The following NIBAN1 variants were observed in gnomAD, a reference collection of about 807,000 sequenced individuals.
NIBAN1 encodes niban apoptosis regulator 1.
Under a neutral mutation model 75.1 loss-of-function variants are expected in NIBAN1, and 81 were observed. That is an observed-to-expected ratio of 1.08 (90% confidence interval 0.90 to 1.30). The LOEUF is 1.30. NIBAN1 is among the 50% of genes most tolerant of loss of function. The pLI, the probability that NIBAN1 is intolerant of heterozygous loss-of-function variation, is 0.00. For synonymous variants in NIBAN1, 436 were observed against 424.8 expected (o/e 1.03, Z -0.32); for missense variants, 1,133 against 1,128.1 (o/e 1.00, Z -0.06).
intron 5 of NIBAN1, among the ~76,000 whole-genome samples, chr1:184,835,732 G>A (rs963688333): frequency 2.0e-5 from 3 of 152,240 alleles, no homozygotes; most frequent in Admixed American, 6.5e-5. Context: ...ATCAGCTTAA[G>A]GAGATTTGGG....
intron 5 of NIBAN1, among the ~76,000 whole-genome samples, chr1:184,842,486 G>T (rs1655312969): frequency 6.6e-6 from 1 of 152,210 alleles, no homozygotes. Flanking sequence ...GGGCATGGTG[G>T]CTCACGCCTG....
intron 1 of NIBAN1, among the ~76,000 whole-genome samples, chr1:184,951,580 G>A (rs1022400504): frequency 1.1e-4 from 16 of 151,932 alleles, no homozygotes; most frequent in African/African-American, 3.4e-4. Flanking sequence ...CCTCCAAAAT[G>A]TATTTATAAC....
At chr1:184,973,206 C>T (rs745623431) in intron 1 of NIBAN1, among the ~76,000 whole-genome samples, 62 of 152,224 alleles carry the variant, frequency 4.1e-4, no homozygotes, top group Non-Finnish European at 7.8e-4. Context: ...TCTTTTACCT[C>T]CAAAAGCACC....
chr1:184,926,124 T>G (rs1657675812), intron 1 of NIBAN1, among the ~76,000 whole-genome samples: 1 of 152,248 alleles, frequency 6.6e-6, no homozygotes, highest in Admixed American at 6.5e-5. Flanking sequence ...CAAGGTATTT[T>G]TTTTTTCCTT....
chr1:184,937,145 C>CTTTTTTTTTTTTTTTTTTTTTTTTTTT (rs138240427), intron 1 of NIBAN1, among the ~76,000 whole-genome samples: 1 of 92,128 alleles, frequency 1.1e-5, no homozygotes, highest in African/African-American at 4.3e-5. Flanking sequence ...TAGCTGGATT[C>CTTTTTTTTTTTTTTTTTTTTTTTTTTT]TTTTTTTTTT....
chr1:184,796,797 A>C (rs926625099), intron 13 of NIBAN1, among the ~76,000 whole-genome samples: 1 of 152,244 alleles, frequency 6.6e-6, no homozygotes, highest in Admixed American at 6.5e-5. Flanking sequence ...ACTTTTCAGC[A>C]TCTAGCTGCA....
chr1:184,897,429 C>T (rs750291655), intron 2 of NIBAN1, among the ~76,000 whole-genome samples: 4 of 151,994 alleles, frequency 2.6e-5, no homozygotes, highest in Non-Finnish European at 4.4e-5. Context: ...ACTCCATAGA[C>T]CGTTTCTTCT....
intron 4 of NIBAN1, among the ~76,000 whole-genome samples, 199 bp from the exon 5 acceptor site, chr1:184,884,999 T>C (rs1656485145): frequency 6.6e-6 from 1 of 152,182 alleles, no homozygotes; most frequent in Non-Finnish European, 1.5e-5. Flanking sequence ...CACTGCGGTC[T>C]GCCTGGCCTC....
intron 5 of NIBAN1, among the ~76,000 whole-genome samples, chr1:184,840,956 AGT>A (rs57091998): frequency 2.2e-4 from 32 of 147,968 alleles, no homozygotes; most frequent in East Asian, 9.9e-4. Context: ...AAAGAGTGTG[AGT>A]GTGTGTGTGT....
intron 4 of NIBAN1, among the ~76,000 whole-genome samples, chr1:184,885,298 G>T (rs563209059): frequency 6.6e-6 from 1 of 152,088 alleles, no homozygotes; most frequent in Non-Finnish European, 1.5e-5. Flanking sequence ...TCAGCCTCTC[G>T]AGTAGCTGGG....
At chr1:184,953,218 C>A (rs1241529761) in intron 1 of NIBAN1, among the ~76,000 whole-genome samples, 2 of 152,064 alleles carry the variant, frequency 1.3e-5, no homozygotes, top group African/African-American at 4.8e-5. Flanking sequence ...TGGAAGAAAC[C>A]AAGGTTAGAG....
Position 184,823,629 on chromosome 1 carries a change from A to G in NIBAN1, c.822+9T>C, listed in dbSNP as rs775779037. 1 of 1,613,494 alleles carries G rather than the reference A, an allele frequency of 6.2e-7. No homozygotes were observed. The highest frequency in any genetic ancestry group is 1.1e-5 in the South Asian group (1 of 91,066). On this transcript the variant is annotated intron_variant, in intron 7 of 13. Transcript: ENST00000367511. ...AGTAGCTCAGTTGTAGAGCAAAACC[A>G]TTGCTTACACCAAGCCACGTCCTCT... is the stretch of plus-strand genomic sequence containing the variant.
chr1:184,810,164 G>T (rs144349979), intron 9 of NIBAN1, among the ~76,000 whole-genome samples: 2 of 152,236 alleles, frequency 1.3e-5, no homozygotes, highest in African/African-American at 4.8e-5. Flanking sequence ...AAGAATAAAG[G>T]AAAAGAAATA....
At chr1:184,897,504 G>A (rs745613696) in intron 2 of NIBAN1, among the ~76,000 whole-genome samples, 2 of 152,080 alleles carry the variant, frequency 1.3e-5, no homozygotes, top group African/African-American at 4.8e-5. Context: ...CCAGTGTACT[G>A]TTTCTTTTCT....
chr1:184,938,536 C>G (rs1347901323), intron 1 of NIBAN1, among the ~76,000 whole-genome samples: 1 of 151,536 alleles, frequency 6.6e-6, no homozygotes, highest in Non-Finnish European at 1.5e-5. Context: ...CAAGTCAAAT[C>G]TTTTTTTGTG....
At chr1:184,797,179 AC>A (rs1350954078) in intron 13 of NIBAN1, among the ~76,000 whole-genome samples, 3 of 138,892 alleles carry the variant, frequency 2.2e-5, no homozygotes, top group Non-Finnish European at 4.5e-5. Flanking sequence ...TCACTCTGTC[AC>A]CCAGGCTGGA....
intron 1 of NIBAN1, among the ~76,000 whole-genome samples, chr1:184,929,900 C>A (rs1318955407): frequency 9.8e-5 from 15 of 152,350 alleles, no homozygotes; most frequent in Admixed American, 9.1e-4. Flanking sequence ...ATCTAACCAA[C>A]TGTAAGCCTG....
At chr1:184,949,365 A>AAATAAATAAATG (rs1658306054) in intron 1 of NIBAN1, among the ~76,000 whole-genome samples, 2 of 152,242 alleles carry the variant, frequency 1.3e-5, no homozygotes, top group South Asian at 4.1e-4. Context: ...CTCAAAAAAT[A>AAATAAATAAATG]AATAAATAAA....
rs77874729 is a variant in NIBAN1, at chr1:184,853,503, T to C, written c.602-21541A>G. Among the ~76,000 whole-genome samples, 43 of 152,360 alleles carry C rather than the reference T, an allele frequency of 2.8e-4. 1 individual carries two copies. In the East Asian group the frequency reaches 7.1e-3, roughly 25 times the overall value. On this transcript the variant is annotated intron_variant, in intron 5 of 13. Coordinates refer to ENST00000367511, the MANE Select transcript of NIBAN1 (RefSeq NM_052966.4). ...ATTTGAATTCAAATGAGTCTGATGT[T>C]CCACTGATTCATCCTATTTTTAAAA... is the stretch of plus-strand genomic sequence containing the variant.
Sources: allele counts gnomAD v4.1 joint callset (sites outside exome capture counted in the v4.1 genomes callset), GRCh38; gene constraint gnomAD v4.1.1; transcripts MANE v1.5; gene names NCBI Gene and HGNC (gene_info 2026-07-23, HGNC 2026-07-21).